Variants in IARS2 observed in about 807,000 individuals in gnomAD.
IARS2 encodes the protein isoleucyl-tRNA synthetase 2, mitochondrial, also known as isoleucine--tRNA ligase, mitochondrial.
IARS2 carries 56 observed loss-of-function variants against 126.3 expected under a neutral mutation model. The observed-to-expected ratio is 0.44, with a 90% CI of 0.36 to 0.55. The LOEUF is 0.55. IARS2 is among the 20% of genes least tolerant of loss of function. IARS2 has a pLI of 0.00. For missense variants in IARS2, 1,127 were observed against 1,245.9 expected, an observed-to-expected ratio of 0.90 and a Z score of 1.44; for synonymous variants, 407 against 441.1, an observed-to-expected ratio of 0.92 and a Z score of 0.97.
intron 2 of IARS2, among the ~76,000 whole-genome samples, chr1:220,096,558 C>T (rs141544154): frequency 3.3e-5 from 5 of 152,216 alleles, no homozygotes; most frequent in African/African-American, 9.6e-5. Flanking sequence ...GTGCTTGGCC[C>T]ACAGATATCA....
chr1:220,147,628 G>A lies in IARS2; in HGVS notation c.3032G>A (p.Gly1011Glu). 1.2e-6 allele frequency: 2 copies of A among 1,614,004 alleles called. No homozygotes were observed. The highest frequency in any genetic ancestry group is 1.7e-6 in the Non-Finnish European group (2 of 1,179,950). ...CCTCGATGTGCAGAAGTTGTCAGTG[G>A]AAAATAGTATTAACAGCTCACTCGA... ...LCPRCAEVVS[G>E]K Residue 1011 changes from glycine (G) to glutamate (E), a missense_variant, in exon 23 of 23, where the codon GGA becomes GAA. Coordinates refer to ENST00000366922, the MANE Select transcript of IARS2 (RefSeq NM_018060.4).
chr1:220,111,122 T>A (rs1333686322), intron 11 of IARS2, among the ~76,000 whole-genome samples, 185 bp downstream of exon 11: 1 of 152,186 alleles, frequency 6.6e-6, no homozygotes, highest in Non-Finnish European at 1.5e-5. Context: ...ATTATACATG[T>A]GTGAGAAATG....
chr1:220,099,551 G>A (rs1464263368), intron 2 of IARS2, among the ~76,000 whole-genome samples: 3 of 152,142 alleles, frequency 2.0e-5, no homozygotes, highest in African/African-American at 7.2e-5. Context: ...ATGCATCCAT[G>A]TATTCATGTA....
At chr1:220,101,973 T>C (rs1656583361) in intron 3 of IARS2, among the ~76,000 whole-genome samples, 156 bp from the exon 4 acceptor site, 1 of 152,224 alleles carries the variant, frequency 6.6e-6, no homozygotes, top group East Asian at 1.9e-4. Flanking sequence ...CTCGCGCCAC[T>C]GCACTCTAGC....
chr1:220,104,275 C>G (rs1395956676), intron 8 of IARS2, among the ~76,000 whole-genome samples: 1 of 151,890 alleles, frequency 6.6e-6, no homozygotes, highest in Non-Finnish European at 1.5e-5. Context: ...CTGTGCCTAG[C>G]CCAAAATAAT....
chr1:220,098,076 A>G (rs1656485038), intron 2 of IARS2, among the ~76,000 whole-genome samples: 1 of 151,756 alleles, frequency 6.6e-6, no homozygotes, highest in South Asian at 2.1e-4. Flanking sequence ...TTTAGTAGAG[A>G]CGTGGTTTCA....
In IARS2 at chr1:220,114,388, A is replaced by T. The variant is rs775197017; in HGVS notation, c.1554A>T (p.Pro518=). ...TGGTTGAAATGATGGACAGGCGGCC[A>T]TATTGGTGTATATCAAGGCAAAGAG... ...NGMVEMMDRR[P]YWCISRQRVW... The change falls in exon 12 of 23, where the codon CCA becomes CCT. Residue 518 remains proline (P), a synonymous_variant. Transcript: ENST00000366922. 7.8e-5 allele frequency: 126 copies of T among 1,613,718 alleles called. No individual in the cohort carries two copies. Among genetic ancestry groups the T allele is most frequent in the Non-Finnish European group, 1.0e-4 (121 of 1,179,718 alleles).
chr1:220,129,428 C>T (rs998017856), intron 14 of IARS2, among the ~76,000 whole-genome samples: 7 of 151,800 alleles, frequency 4.6e-5, no homozygotes, highest in African/African-American at 1.5e-4. Context: ...CTATATTTAC[C>T]CTACTGTATT....
intron 8 of IARS2, among the ~76,000 whole-genome samples, chr1:220,105,129 C>T (rs907931458): frequency 6.6e-6 from 1 of 151,208 alleles, no homozygotes; most frequent in African/African-American, 2.4e-5. Context: ...TACTTCACAC[C>T]CTCTCTCACT....
chr1:220,136,083 T>G (rs982565358), intron 15 of IARS2, among the ~76,000 whole-genome samples: 5 of 152,182 alleles, frequency 3.3e-5, no homozygotes, highest in African/African-American at 1.2e-4. Context: ...AAGTTTTCCT[T>G]TGTGTAAGTC....
chr1:220,112,493 A>G (rs1383987344), intron 11 of IARS2, among the ~76,000 whole-genome samples: 2 of 146,968 alleles, frequency 1.4e-5, no homozygotes, highest in African/African-American at 5.1e-5. Flanking sequence ...TCCAGGCACT[A>G]TTTCTTCCAT....
intron 8 of IARS2, 81 bp from the exon 9 acceptor site, chr1:220,105,810 A>G (rs1656667557): frequency 5.0e-6 from 6 of 1,207,972 alleles, no homozygotes; most frequent in Non-Finnish European, 7.3e-6. Flanking sequence ...TGCACATTTA[A>G]CCTGATACTC....
At position 220,102,131 on chromosome 1, in the gene IARS2, A is replaced by G. The variant is rs1656588417; in HGVS notation, c.553A>G (p.Arg185Gly). Reference protein sequence around the residue: ...LSAMEIRKKARSFAKAAIEKQ... With the variant: ...LSAMEIRKKAGSFAKAAIEKQ... The stretch of plus-strand genomic sequence containing the variant: ...TCTTTTTTTCGTCTTTTTTTTAGCT[A>G]GATCATTTGCTAAAGCAGCCATTGA... The change falls in exon 4 of 23, where the codon AGA becomes GGA. Residue 185 changes from arginine to glycine, a missense_variant and splice_region_variant. Transcript: ENST00000366922. The G allele has an allele frequency of 3.8e-6, 6 of 1,595,272 alleles. No homozygotes were observed. The highest frequency in any genetic ancestry group is 4.5e-5 in the East Asian group (2 of 44,762).
chr1:220,125,092 TATTGA>T, intron 12 of IARS2, 140 bp from the exon 13 acceptor site: 1 of 489,146 alleles, frequency 2.0e-6, no homozygotes, highest in South Asian at 4.3e-5. Flanking sequence ...TTTTTATTTA[TATTGA>T]ATTTAAAATG....
intron 10 of IARS2, among the ~76,000 whole-genome samples, chr1:220,109,662 ATCT>A (rs1558122184): frequency 6.6e-6 from 1 of 152,158 alleles, no homozygotes; most frequent in Non-Finnish European, 1.5e-5. Flanking sequence ...CAAAAACATA[ATCT>A]TCTTTCTATC....
At position 220,141,869 on chromosome 1, in the gene IARS2, G is replaced by A; in HGVS notation, c.2481G>A (p.Leu827=). The A allele has an allele frequency of 6.2e-7, 1 of 1,614,152 alleles. No individual in the cohort carries two copies. Among genetic ancestry groups the A allele is most frequent in the African/African-American group, 1.3e-5 (1 of 75,038 alleles). ...GTCAGACTGCATTAGTTGAAATTTT[G>A]GATGTAATAGTTCGTTCTTTTGCTC... ...RSCQTALVEI[L]DVIVRSFAPI... is the part of the protein sequence containing the mutation. Residue 827 remains leucine, a synonymous_variant, in exon 20 of 23, where the codon TTG becomes TTA. Transcript: ENST00000366922.
chr1:220,112,016 A>G (rs1238828332), intron 11 of IARS2, among the ~76,000 whole-genome samples: 2 of 151,916 alleles, frequency 1.3e-5, no homozygotes, highest in African/African-American at 2.4e-5. Flanking sequence ...TGTTCTTTGT[A>G]GAAGTAGTGA....
At position 220,096,206 on chromosome 1, in the gene IARS2, G is replaced by T; in HGVS notation, c.370G>T (p.Val124Phe). ...TCCTTATGCAAACGGTGACCCTCAT[G>T]TTGGACATGCTTTAAATAAGGTAAC... The part of the protein sequence containing the change: ...GPPYANGDPH[V>F]GHALNKILKD... Residue 124 changes from valine (V) to phenylalanine (F), a missense_variant, in exon 2 of 23, where the codon GTT (valine) becomes TTT (phenylalanine). Val to Phe is a conservative substitution (Grantham distance 50, BLOSUM62 -1). Coordinates refer to ENST00000366922, the MANE Select transcript of IARS2 (RefSeq NM_018060.4). 1 of 1,585,732 alleles carries T rather than the reference G, an allele frequency of 6.3e-7. No individual in the cohort carries two copies. The highest frequency in any genetic ancestry group is 8.6e-7 in the Non-Finnish European group (1 of 1,166,780).
intron 19 of IARS2, among the ~76,000 whole-genome samples, chr1:220,141,222 A>C (rs191168262): frequency 2.0e-5 from 3 of 152,216 alleles, no homozygotes; most frequent in Non-Finnish European, 4.4e-5. Flanking sequence ...GATGAACATA[A>C]TGCTTGTTCT....
Sources: gnomAD v4.1 joint callset for allele counts (sites outside exome capture counted in the v4.1 genomes callset) on GRCh38, gnomAD v4.1.1 for gene constraint, MANE v1.5 for transcripts, NCBI Gene and HGNC (gene_info 2026-07-23, HGNC 2026-07-21) for gene names.